Variants in MACROD2 observed in about 807,000 individuals in gnomAD.
MACROD2 encodes mono-ADP ribosylhydrolase 2.
A neutral mutation model predicts 70.4 loss-of-function variants in MACROD2; 36 were observed. That is an observed-to-expected ratio of 0.51 (90% CI 0.39 to 0.68). The LOEUF is 0.68. Among genes scored for constraint, MACROD2 ranks in the 30% least tolerant of loss-of-function variants. The pLI, the probability that MACROD2 is intolerant of heterozygous loss-of-function variation, is 0.00. For missense variants in MACROD2, 496 were observed against 538.4 expected, an observed-to-expected ratio of 0.92 and a Z score of 0.78; for synonymous variants, 172 against 178.8, an observed-to-expected ratio of 0.96 and a Z score of 0.30.
chr20:15,103,129 T>G (rs1345131176), intron 5 of MACROD2, among the ~76,000 whole-genome samples: 3 of 152,158 alleles, frequency 2.0e-5, no homozygotes, highest in Admixed American at 6.6e-5. Flanking sequence ...TCAATTTATG[T>G]TCTGTTTCAG....
At chr20:14,748,973 A>C (rs2071834835) in intron 5 of MACROD2, among the ~76,000 whole-genome samples, 1 of 152,020 alleles carries the variant, frequency 6.6e-6, no homozygotes, top group Non-Finnish European at 1.5e-5. Context: ...CACCCACCCA[A>C]GTCATTAATT....
At chr20:15,585,355 C>T (rs1226269676) in intron 8 of MACROD2, among the ~76,000 whole-genome samples, 1 of 152,000 alleles carries the variant, frequency 6.6e-6, no homozygotes, top group Non-Finnish European at 1.5e-5. Context: ...CAGCATTGTG[C>T]CTAGATAATT....
intron 3 of MACROD2, among the ~76,000 whole-genome samples, chr20:14,147,552 A>T (rs1017473622): frequency 6.6e-6 from 1 of 152,204 alleles, no homozygotes; most frequent in Non-Finnish European, 1.5e-5. Flanking sequence ...AGATGATAAG[A>T]TATTACTTGA....
chr20:15,947,387 G>C (rs917508985), intron 12 of MACROD2, among the ~76,000 whole-genome samples: 3 of 152,096 alleles, frequency 2.0e-5, no homozygotes, highest in Non-Finnish European at 4.4e-5. Context: ...TTGTGCCCCT[G>C]GTTTATTGAG....
intron 4 of MACROD2, among the ~76,000 whole-genome samples, chr20:14,626,354 TG>T (rs1250211833): frequency 1.3e-5 from 2 of 152,116 alleles, no homozygotes; most frequent in Admixed American, 6.6e-5. Flanking sequence ...CCTGTGGGGT[TG>T]GGGTGCCATC....
intron 5 of MACROD2, among the ~76,000 whole-genome samples, chr20:14,726,233 T>A (rs6074780): frequency 0.64 from 97,508 of 152,062 alleles, 31,872 homozygotes; most frequent in South Asian, 0.74. Context: ...CATCATTAAA[T>A]GTGACACCAT....
chr20:14,015,489 A>C (rs549693561), intron 2 of MACROD2, among the ~76,000 whole-genome samples: 1 of 152,300 alleles, frequency 6.6e-6, no homozygotes, highest in Non-Finnish European at 1.5e-5. Flanking sequence ...AAGTAGGAGG[A>C]TTGCTTGAAC....
At chr20:15,060,872 A>G (rs938252457) in intron 5 of MACROD2, among the ~76,000 whole-genome samples, 7 of 152,242 alleles carry the variant, frequency 4.6e-5, no homozygotes, top group African/African-American at 7.2e-5. Flanking sequence ...CTTCTTGAGA[A>G]TAACAATCCC....
At chr20:15,047,066 T>A (rs1225454999) in intron 5 of MACROD2, among the ~76,000 whole-genome samples, 1 of 152,222 alleles carries the variant, frequency 6.6e-6, no homozygotes, top group Non-Finnish European at 1.5e-5. Flanking sequence ...CAATGTGTTT[T>A]GTTCACAATG....
At chr20:14,303,790 G>C (rs1193990202) in intron 3 of MACROD2, among the ~76,000 whole-genome samples, 2 of 152,100 alleles carry the variant, frequency 1.3e-5, no homozygotes, top group Non-Finnish European at 2.9e-5. Context: ...TGCATTTAAA[G>C]GTACATTCAG....
chr20:15,559,262 G>T (rs2048210683), intron 8 of MACROD2, among the ~76,000 whole-genome samples: 1 of 150,162 alleles, frequency 6.7e-6, no homozygotes, highest in South Asian at 2.1e-4. Context: ...AGATTCTCAG[G>T]CTGACTATCA....
chr20:15,844,080 C>T lies in MACROD2; in HGVS notation c.646-18665C>T, dbSNP rs1011170914. Among the ~76,000 whole-genome samples the T allele has an allele frequency of 2.6e-5, 4 of 151,900 alleles. No homozygotes were observed. The East Asian group carries it at 5.8e-4, about 22-fold the overall frequency. ...CACATATATGAGTAGCAAAAATGTA[C>T]ATTTCTTAAAGAGAAAACTGTGAAT... On this transcript the variant is annotated intron_variant, in intron 8 of 17. Coordinates refer to ENST00000684519, the MANE Select transcript of MACROD2 (RefSeq NM_001351661.2).
chr20:14,675,735 C>A (rs1600526586), intron 4 of MACROD2, among the ~76,000 whole-genome samples: 1 of 152,072 alleles, frequency 6.6e-6, no homozygotes, highest in Non-Finnish European at 1.5e-5. Context: ...AGGCTAAATG[C>A]CCCAATTAAA....
At chr20:15,609,641 A>G (rs778773280) in intron 8 of MACROD2, among the ~76,000 whole-genome samples, 2 of 152,210 alleles carry the variant, frequency 1.3e-5, no homozygotes, top group Non-Finnish European at 2.9e-5. Flanking sequence ...ATGCCGGAGG[A>G]CTGTGTCATG....
chr20:15,032,211 A>G (rs1374689807), intron 5 of MACROD2, among the ~76,000 whole-genome samples: 1 of 152,176 alleles, frequency 6.6e-6, no homozygotes, highest in Non-Finnish European at 1.5e-5. Context: ...GGCCCCCAGG[A>G]GTACAGGGAT....
chr20:15,004,042 A>G (rs1407818145), intron 5 of MACROD2, among the ~76,000 whole-genome samples: 1 of 152,002 alleles, frequency 6.6e-6, no homozygotes, highest in East Asian at 1.9e-4. Context: ...AATCAGCAGC[A>G]AGCACCCATT....
intron 3 of MACROD2, among the ~76,000 whole-genome samples, chr20:14,172,464 C>A (rs1254188924): frequency 6.6e-6 from 1 of 151,994 alleles, no homozygotes; most frequent in East Asian, 1.9e-4. Flanking sequence ...GCCACCACAC[C>A]CTGCTAATTT....
intron 8 of MACROD2, among the ~76,000 whole-genome samples, chr20:15,862,425 T>C (rs2064436411): frequency 1.3e-5 from 2 of 152,216 alleles, no homozygotes; most frequent in African/African-American, 4.8e-5. Flanking sequence ...AGTCTAGCTA[T>C]CCTGTCGGAA....
At position 14,321,980 on chromosome 20, in the gene MACROD2, G is replaced by GT. The variant is rs543886510; in HGVS notation, c.272-171490dup. 2.4e-3 allele frequency among the ~76,000 whole-genome samples: 352 copies of GT among 149,108 alleles called. 1 individual carries two copies. The highest frequency in any genetic ancestry group is 7.0e-3 in the African/African-American group (285 of 40,814). ...CCTCTAGTTTTTTGTAGCTTTCCCAGTTTTTTTTTGTTGTTGTTTTTGTTA... is the reference window on the plus strand; with the variant it reads ...CCTCTAGTTTTTTGTAGCTTTCCCAGTTTTTTTTTTGTTGTTGTTTTTGTTA... On this transcript the variant is annotated intron_variant, in intron 3 of 17. Transcript: ENST00000684519.
Sources: allele counts gnomAD v4.1 joint callset (sites outside exome capture counted in the v4.1 genomes callset), GRCh38; gene constraint gnomAD v4.1.1; transcripts MANE v1.5; gene names NCBI Gene and HGNC (gene_info 2026-07-23, HGNC 2026-07-21).